Variants in BBOX1 observed in about 807,000 individuals in gnomAD.
The protein encoded by BBOX1 is gamma-butyrobetaine hydroxylase 1, also known as gamma-butyrobetaine dioxygenase.
BBOX1 carries 35 observed loss-of-function variants against 41.6 expected under a neutral mutation model. The ratio of observed to expected loss-of-function variants is 0.84; its 90% CI spans 0.64 to 1.11. The LOEUF (loss-of-function observed/expected upper bound fraction) is 1.11, where lower values mean the gene tolerates loss of function less well. Ranked by LOEUF, BBOX1 falls within the 50% of genes most tolerant of loss-of-function variation. The pLI, the probability that BBOX1 is intolerant of heterozygous loss-of-function variation, is 0.00. For missense variants in BBOX1, 458 were observed against 460.6 expected (o/e 0.99, Z 0.05); for synonymous variants, 163 against 154.7 (o/e 1.05, Z -0.40).
intron 7 of BBOX1, among the ~76,000 whole-genome samples, chr11:27,120,134 A>G (rs968407406): frequency 2.4e-4 from 37 of 152,244 alleles, no homozygotes; most frequent in African/African-American, 8.7e-4. Flanking sequence ...TACTAGTTAG[A>G]AGGCTTTTGG....
chr11:27,106,312 A>G (rs1858861904), intron 5 of BBOX1, among the ~76,000 whole-genome samples: 1 of 150,566 alleles, frequency 6.6e-6, no homozygotes, highest in African/African-American at 2.4e-5. Flanking sequence ...GGATAGAGTC[A>G]AGATCCATCA....
chr11:27,101,101 A>G (rs771114703), intron 5 of BBOX1, among the ~76,000 whole-genome samples: 1 of 152,280 alleles, frequency 6.6e-6, no homozygotes, highest in Admixed American at 6.5e-5. Flanking sequence ...GCTTGACTCA[A>G]CAGCCTGCAG....
Position 27,127,348 on chromosome 11 carries a change from A to C in BBOX1, c.1059A>C (p.Glu353Asp). The C allele has an allele frequency of 1.2e-6, 2 of 1,614,192 alleles. No homozygotes were observed. Among genetic ancestry groups the C allele is most frequent in the Non-Finnish European group, 1.7e-6 (2 of 1,180,014 alleles). Residue 353 changes from glutamate (E) to aspartate (D), a missense_variant, in exon 9 of 9, where the codon GAA (glutamate) becomes GAC (aspartate). Transcript: ENST00000263182. ...TACTTCATGGCCGACGTAGCTATGA[A>C]GCAGGAACTGAGATATCCCGCCATC... ...WRLLHGRRSY[E>D]AGTEISRHLE...
At chr11:27,111,985 GT>G (rs1285153713) in intron 5 of BBOX1, among the ~76,000 whole-genome samples, 1 of 151,932 alleles carries the variant, frequency 6.6e-6, no homozygotes, top group East Asian at 1.9e-4. Flanking sequence ...ACAGCCAGGC[GT>G]TATGTGTCTG....
intron 5 of BBOX1, among the ~76,000 whole-genome samples, chr11:27,101,037 C>A (rs983865724): frequency 1.3e-5 from 2 of 152,040 alleles, no homozygotes; most frequent in East Asian, 1.9e-4. Context: ...GAATCATTAA[C>A]CCATTATCCC....
intron 6 of BBOX1, among the ~76,000 whole-genome samples, chr11:27,117,233 G>A (rs1247899599): frequency 1.3e-5 from 2 of 151,856 alleles, no homozygotes; most frequent in Admixed American, 1.3e-4. Context: ...AAAGGAGAAT[G>A]GGCCAAAATC....
At chr11:27,085,491 A>G (rs1026465689) in intron 4 of BBOX1, among the ~76,000 whole-genome samples, 3 of 152,014 alleles carry the variant, frequency 2.0e-5, no homozygotes, top group African/African-American at 7.2e-5. Context: ...CAGCACTCAT[A>G]TATGACAGAT....
At position 27,055,610 on chromosome 11, in the gene BBOX1, G is replaced by A. The variant is rs1426160985; in HGVS notation, c.180G>A (p.Val60=). 1 of 1,613,916 alleles carries A rather than the reference G, an allele frequency of 6.2e-7. No individual in the cohort carries two copies. Among genetic ancestry groups the A allele is most frequent in the African/African-American group, 1.3e-5 (1 of 75,026 alleles). ...AACTTCTAGTGGAAGCTCTTGATGT[G>A]AACATTGGAATTAAAGGCTTGATAT... is the stretch of plus-strand genomic sequence containing the variant. The part of the protein sequence containing the change: ...ARKLLVEALD[V]NIGIKGLIFD... The change falls in exon 3 of 9, where the codon GTG becomes GTA. Residue 60 remains valine (V), a synonymous_variant. Coordinates refer to ENST00000263182, the MANE Select transcript of BBOX1 (RefSeq NM_003986.3).
intron 4 of BBOX1, among the ~76,000 whole-genome samples, chr11:27,072,427 C>A (rs1166660613): frequency 1.3e-5 from 2 of 152,076 alleles, no homozygotes; most frequent in African/African-American, 4.8e-5. Flanking sequence ...AAAGAGGACA[C>A]AAAGAAATGG....
intron 4 of BBOX1, among the ~76,000 whole-genome samples, chr11:27,089,734 T>C (rs193202850): frequency 1.3e-4 from 20 of 152,106 alleles, no homozygotes; most frequent in Admixed American, 1.2e-3. Flanking sequence ...CTGTTTTCAA[T>C]AAATCTTTTA....
At chr11:27,058,515 AG>A (rs1307132571) in intron 4 of BBOX1, among the ~76,000 whole-genome samples, 1 of 152,200 alleles carries the variant, frequency 6.6e-6, no homozygotes, top group Non-Finnish European at 1.5e-5. Flanking sequence ...AGACAGGGTA[AG>A]TTTGGAACTT....
At chr11:27,126,863 ACAGGGTTTCAC>A (rs1255679515) in intron 8 of BBOX1, among the ~76,000 whole-genome samples, 1 of 151,932 alleles carries the variant, frequency 6.6e-6, no homozygotes, top group East Asian at 1.9e-4. Flanking sequence ...TTTAGTAGAG[ACAGGGTTTCAC>A]CATGTTAGCC....
At chr11:27,123,550 T>A (rs1478601285) in intron 7 of BBOX1, among the ~76,000 whole-genome samples, 7 of 151,016 alleles carry the variant, frequency 4.6e-5, no homozygotes, top group African/African-American at 1.5e-4. Flanking sequence ...ACAGAACACA[T>A]AACAAGAAAA....
intron 4 of BBOX1, among the ~76,000 whole-genome samples, chr11:27,082,345 C>T (rs1048701393): frequency 3.9e-5 from 6 of 152,036 alleles, no homozygotes; most frequent in African/African-American, 9.7e-5. Flanking sequence ...ACCTGTTCCA[C>T]GGGGAGGTGT....
At position 27,057,423 on chromosome 11, in the gene BBOX1, T is replaced by C. The variant is rs571718144; in HGVS notation, c.334+108T>C. On this transcript the variant is annotated intron_variant, in intron 4 of 8. Coordinates refer to ENST00000263182, the MANE Select transcript of BBOX1 (RefSeq NM_003986.3). The stretch of plus-strand genomic sequence containing the variant: ...AAACCTTTGTGCTTTGATTAAAATA[T>C]GTGACATGTAAATTATGTGGTGTAT... 1.0e-4 allele frequency: 83 copies of C among 833,190 alleles called. No homozygotes were observed. The East Asian group carries it at 2.2e-3, about 22-fold the overall frequency. 51.6% of individuals were successfully genotyped at this position (833,190 alleles called of 1,614,324 possible).
At chr11:27,047,325 A>C (rs1401174913) in intron 2 of BBOX1, 8 of 152,272 alleles carry the variant, frequency 5.3e-5, no homozygotes, top group Admixed American at 4.6e-4. Context: ...AGGTAGAAGA[A>C]GAAAAAGAAA....
Position 27,057,209 on chromosome 11 carries a change from C to T in BBOX1, c.228C>T (p.Ile76=), listed in dbSNP as rs780062507. ...GLIFDRKKVY[I]TWPDEHYSEF... is the part of the protein sequence containing the mutation. ...GCTTTTTGTGTTATAAGGTGTACAT[C>T]ACATGGCCCGATGAGCATTACAGTG... The change falls in exon 4 of 9, where the codon ATC becomes ATT. Residue 76 remains isoleucine (I), a synonymous_variant. Coordinates refer to ENST00000263182, the MANE Select transcript of BBOX1 (RefSeq NM_003986.3). 6.2e-7 allele frequency: 1 copy of T among 1,600,966 alleles called. No individual in the cohort carries two copies. Among genetic ancestry groups the T allele is most frequent in the South Asian group, 1.1e-5 (1 of 87,638 alleles).
intron 4 of BBOX1, among the ~76,000 whole-genome samples, chr11:27,086,631 G>A (rs573188339): frequency 3.9e-5 from 6 of 152,198 alleles, no homozygotes; most frequent in South Asian, 2.1e-4. Context: ...GCCTGCTAAC[G>A]CAACATTCAT....
chr11:27,115,415 AC>A, intron 5 of BBOX1, 36 bp from the exon 6 acceptor site: 1 of 1,542,674 alleles, frequency 6.5e-7, no homozygotes, highest in East Asian at 2.3e-5. Flanking sequence ...TGGCTTAGTG[AC>A]AACCTGTTTA....
Sources: gnomAD v4.1 joint callset for allele counts (sites outside exome capture counted in the v4.1 genomes callset) on GRCh38, gnomAD v4.1.1 for gene constraint, MANE v1.5 for transcripts, NCBI Gene and HGNC (gene_info 2026-07-23, HGNC 2026-07-21) for gene names.